CSMD3: variants seen among roughly 807,000 people sequenced by gnomAD.
CSMD3 encodes the protein CUB and Sushi multiple domains 3, also known as CUB and sushi domain-containing protein 3.
CSMD3 carries 177 observed loss-of-function variants against 435.2 expected under a neutral mutation model. The ratio of observed to expected loss-of-function variants is 0.41; its 90% CI spans 0.36 to 0.46. The LOEUF (loss-of-function observed/expected upper bound fraction) is 0.46. Ranked by LOEUF, CSMD3 falls within the 20% of genes least tolerant of loss-of-function variation. The probability of loss-of-function intolerance (pLI) is 0.34; values close to 1 mark genes in which losing one functional copy is unlikely to be tolerated. For synonymous variants in CSMD3, 1,656 were observed against 1,520.5 expected (o/e 1.09, Z -2.07); for missense variants, 4,265 against 4,504.6 (o/e 0.95, Z 1.52).
At chr8:112,826,361 C>T (rs1475466522) in intron 12 of CSMD3, among the ~76,000 whole-genome samples, 1 of 152,174 alleles carries the variant, frequency 6.6e-6, no homozygotes, top group Non-Finnish European at 1.5e-5. Flanking sequence ...CTGGCCACCC[C>T]TTCCCCTGAG....
intron 2 of CSMD3, chr8:113,310,885 A>G (rs2093862749): frequency 6.6e-6 from 1 of 151,988 alleles, no homozygotes; most frequent in South Asian, 2.1e-4. Flanking sequence ...CATAAATTAT[A>G]TCCACAGGAT....
At chr8:113,348,135 G>A (rs954719449) in intron 1 of CSMD3, among the ~76,000 whole-genome samples, 39 of 152,120 alleles carry the variant, frequency 2.6e-4, no homozygotes, top group Admixed American at 1.3e-3. Context: ...CATAATATGC[G>A]TTTAGCATAC....
At chr8:112,533,513 T>C (rs1586619271) in intron 27 of CSMD3, among the ~76,000 whole-genome samples, 1 of 151,884 alleles carries the variant, frequency 6.6e-6, no homozygotes, top group African/African-American at 2.4e-5. Flanking sequence ...ACTGAAAAGA[T>C]ACAAAGGAAT....
rs770466588 is a variant in CSMD3, at chr8:113,314,649, T to C, written c.323A>G (p.Gln108Arg). The C allele has an allele frequency of 6.2e-7, 1 of 1,610,916 alleles. No individual in the cohort carries two copies. The highest frequency in any genetic ancestry group is 1.1e-5 in the South Asian group (1 of 91,006). The change falls in exon 2 of 71, where the codon CAG becomes CGG. Residue 108 changes from glutamine to arginine, a missense_variant. By Grantham distance (43) the Gln-to-Arg change is conservative. Coordinates refer to ENST00000297405, the MANE Select transcript of CSMD3 (RefSeq NM_198123.2). ...EERNRIQIVF[Q>R]SFALEEEYDY... ...GTATTCTTCTTCTAGAGCAAATGAC[T>C]GAAAAACAATTTGTATTCTATTTCG...
intron 14 of CSMD3, among the ~76,000 whole-genome samples, chr8:112,687,657 T>C (rs994692312): frequency 6.6e-6 from 1 of 152,160 alleles, no homozygotes; most frequent in Non-Finnish European, 1.5e-5. Context: ...TTTGAATCTA[T>C]TTATTTTCTG....
chr8:112,484,899 C>T (rs190559791), intron 31 of CSMD3, among the ~76,000 whole-genome samples: 4 of 151,966 alleles, frequency 2.6e-5, no homozygotes, highest in Admixed American at 6.6e-5. Context: ...AATCTGAAAT[C>T]GGAAAAACTC....
At chr8:113,135,951 T>C (rs1222824413) in intron 4 of CSMD3, among the ~76,000 whole-genome samples, 1 of 151,890 alleles carries the variant, frequency 6.6e-6, no homozygotes, top group Non-Finnish European at 1.5e-5. Flanking sequence ...GTTGCATTAA[T>C]TCATTCATCT....
intron 10 of CSMD3, among the ~76,000 whole-genome samples, chr8:112,915,297 G>A (rs1196414896): frequency 6.6e-6 from 1 of 151,470 alleles, no homozygotes; most frequent in African/African-American, 2.4e-5. Flanking sequence ...GGTTATTGCA[G>A]TCTTTTTTTC....
At chr8:113,373,841 G>A (rs1006667301) in intron 1 of CSMD3, among the ~76,000 whole-genome samples, 1 of 152,064 alleles carries the variant, frequency 6.6e-6, no homozygotes, top group Admixed American at 6.6e-5. Context: ...ATTGTTCCCT[G>A]TAATCTATAC....
chr8:112,896,107 C>T (rs1177402431), intron 10 of CSMD3, among the ~76,000 whole-genome samples: 1 of 151,368 alleles, frequency 6.6e-6, no homozygotes, highest in Non-Finnish European at 1.5e-5. Flanking sequence ...TGAAGTGATG[C>T]TGAATAATTT....
intron 9 of CSMD3, among the ~76,000 whole-genome samples, chr8:112,929,672 T>C (rs902567204): frequency 6.6e-6 from 1 of 151,992 alleles, no homozygotes; most frequent in Non-Finnish European, 1.5e-5. Flanking sequence ...AACTGTGTTA[T>C]AAAGTAAGAA....
intron 16 of CSMD3, among the ~76,000 whole-genome samples, chr8:112,672,862 C>T (rs1420228610): frequency 6.6e-6 from 1 of 151,940 alleles, no homozygotes; most frequent in Admixed American, 6.6e-5. Flanking sequence ...TTTAAGACCT[C>T]GATGAAAGAA....
At chr8:112,801,577 A>G (rs2078963174) in intron 12 of CSMD3, among the ~76,000 whole-genome samples, 1 of 152,074 alleles carries the variant, frequency 6.6e-6, no homozygotes, top group Non-Finnish European at 1.5e-5. Flanking sequence ...TTAAATTACC[A>G]TAATATAAAA....
intron 26 of CSMD3, among the ~76,000 whole-genome samples, chr8:112,551,254 GAAT>G (rs1479087268): frequency 6.6e-6 from 1 of 151,948 alleles, no homozygotes; most frequent in Non-Finnish European, 1.5e-5. Context: ...AATGAAATAT[GAAT>G]AATTTTTATC....
chr8:112,625,130 T>G (rs1422109203), intron 22 of CSMD3, among the ~76,000 whole-genome samples: 1 of 152,054 alleles, frequency 6.6e-6, no homozygotes, highest in African/African-American at 2.4e-5. Flanking sequence ...TGTTAATATT[T>G]TTTTCCAAAG....
intron 36 of CSMD3, among the ~76,000 whole-genome samples, chr8:112,390,034 G>C (rs1164801905): frequency 1.3e-5 from 2 of 152,118 alleles, no homozygotes; most frequent in East Asian, 3.9e-4. Flanking sequence ...ATAATAGGAG[G>C]CTGCACTTAT....
At chr8:112,952,669 A>G (rs772881745) in intron 8 of CSMD3, among the ~76,000 whole-genome samples, 1 of 151,564 alleles carries the variant, frequency 6.6e-6, no homozygotes, top group Non-Finnish European at 1.5e-5. Context: ...GAAATTTGCA[A>G]AAAATATTTT....
intron 13 of CSMD3, among the ~76,000 whole-genome samples, chr8:112,746,161 A>G (rs1380903238): frequency 6.6e-6 from 1 of 152,222 alleles, no homozygotes; most frequent in African/African-American, 2.4e-5. Flanking sequence ...AATAAATAAG[A>G]GAACAATCTC....
intron 27 of CSMD3, among the ~76,000 whole-genome samples, chr8:112,536,933 A>G (rs921942846): frequency 6.6e-6 from 1 of 151,586 alleles, no homozygotes; most frequent in Non-Finnish European, 1.5e-5. Flanking sequence ...AAAACCAAAC[A>G]CCGCATATTC....
Sources: gnomAD v4.1 joint callset for allele counts (sites outside exome capture counted in the v4.1 genomes callset) on GRCh38, gnomAD v4.1.1 for gene constraint, MANE v1.5 for transcripts, NCBI Gene and HGNC (gene_info 2026-07-23, HGNC 2026-07-21) for gene names.